The following MKLN1 variants were observed in gnomAD, a reference collection of about 807,000 sequenced individuals.
The protein encoded by MKLN1 is muskelin.
A neutral mutation model predicts 99.0 loss-of-function variants in MKLN1; 18 were observed. That is an observed-to-expected ratio of 0.18 (90% CI 0.13 to 0.27). The LOEUF (loss-of-function observed/expected upper bound fraction) is 0.27, where lower values mean the gene tolerates loss of function less well. Among genes scored for constraint, MKLN1 ranks in the 10% least tolerant of loss-of-function variants. The pLI is 1.00. For missense variants in MKLN1, 621 were observed against 875.9 expected, an observed-to-expected ratio of 0.71 and a Z score of 3.67; for synonymous variants, 288 against 293.2, an observed-to-expected ratio of 0.98 and a Z score of 0.18.
At chr7:131,328,240 C>T in intron 1 of MKLN1, 2 of 515,264 alleles carry the variant, frequency 3.9e-6, no homozygotes, top group South Asian at 2.6e-5. Context: ...CCGGGGCGCG[C>T]ACAGGAGAAC....
chr7:131,384,358 A>C (rs184681402), intron 2 of MKLN1, among the ~76,000 whole-genome samples: 3 of 151,938 alleles, frequency 2.0e-5, no homozygotes, highest in Admixed American at 6.6e-5. Flanking sequence ...ATCCAATGAC[A>C]AGTGTCCTTA....
chr7:131,137,556 C>T (rs766738601), intron 1 of MKLN1, among the ~76,000 whole-genome samples: 1 of 151,920 alleles, frequency 6.6e-6, no homozygotes, highest in Non-Finnish European at 1.5e-5. Flanking sequence ...TGAACATGAA[C>T]TTTTTTTGTT....
intron 6 of MKLN1, among the ~76,000 whole-genome samples, chr7:131,411,080 C>T (rs1366296858): frequency 6.6e-6 from 1 of 152,130 alleles, no homozygotes; most frequent in Non-Finnish European, 1.5e-5. Context: ...TGAGCTTCCC[C>T]TAAAGCAATT....
intron 3 of MKLN1, among the ~76,000 whole-genome samples, chr7:131,236,963 C>T (rs570667062): frequency 2.5e-4 from 38 of 151,998 alleles, no homozygotes; most frequent in African/African-American, 5.3e-4. Flanking sequence ...CACTCTAGCC[C>T]GGGTGACAGA....
rs192653016 is a variant in MKLN1 at position 131,236,898 on chromosome 7, G to A, written c.-179+33924G>A. Among the ~76,000 whole-genome samples the A allele has an allele frequency of 4.9e-3, 738 of 152,136 alleles. 3 individuals carry two copies. Among genetic ancestry groups the A allele is most frequent in the South Asian group, 7.7e-3 (37 of 4,816 alleles). On this transcript the variant is annotated intron_variant, in intron 3 of 7. Transcript: ENST00000416992. ...GCTACTCAGGAGGCCTAGATGGGAG[G>A]ATAACTTGAGCCCAGCAGTTCAAGG... is the stretch of plus-strand genomic sequence containing the variant.
At chr7:131,438,910 T>A (rs1795749670) in intron 10 of MKLN1, among the ~76,000 whole-genome samples, 1 of 152,180 alleles carries the variant, frequency 6.6e-6, no homozygotes, top group African/African-American at 2.4e-5. Flanking sequence ...TTATAGATTT[T>A]TGTTAATTAT....
At chr7:131,193,692 A>G (rs1168630548) in intron 2 of MKLN1, among the ~76,000 whole-genome samples, 1 of 151,860 alleles carries the variant, frequency 6.6e-6, no homozygotes, top group East Asian at 1.9e-4. Context: ...AAAAATTATT[A>G]TTTTTGAGAC....
Position 131,327,936 on chromosome 7 carries a change from T to G in MKLN1, c.37T>G (p.Cys13Gly). Residue 13 changes from cysteine (C) to glycine (G), a missense_variant, in exon 1 of 18, where the codon TGC becomes GGC. Coordinates refer to ENST00000352689, the MANE Select transcript of MKLN1 (RefSeq NM_013255.5). ...CGGAGCTGTCGCTGCGGCGCCCGAGTGCCGGCTTCTCCCCTACGCGCTACA... is the reference window on the plus strand; with the variant it reads ...CGGAGCTGTCGCTGCGGCGCCCGAGGGCCGGCTTCTCCCCTACGCGCTACA... ...AGGAVAAAPE[C>G]RLLPYALHKW... is the part of the protein sequence containing the mutation. The G allele has an allele frequency of 6.2e-7, 1 of 1,613,528 alleles. No homozygotes were observed. The highest frequency in any genetic ancestry group is 8.5e-7 in the Non-Finnish European group (1 of 1,179,834).
chr7:131,165,406 C>T (rs577960356), intron 2 of MKLN1, among the ~76,000 whole-genome samples: 11 of 152,070 alleles, frequency 7.2e-5, no homozygotes, highest in Non-Finnish European at 1.5e-4. Flanking sequence ...AGGCTGGTCT[C>T]GAACTCCTGA....
intron 2 of MKLN1, among the ~76,000 whole-genome samples, chr7:131,383,458 C>T (rs1161284306): frequency 6.6e-6 from 1 of 152,182 alleles, no homozygotes; most frequent in African/African-American, 2.4e-5. Context: ...CCTAGCCAAT[C>T]CATCAGCTTA....
At chr7:131,119,924 AT>A (rs1795335457) in intron 1 of MKLN1, among the ~76,000 whole-genome samples, 1 of 152,118 alleles carries the variant, frequency 6.6e-6, no homozygotes. Context: ...CAGGCTGCAA[AT>A]TTTCCAAACT....
intron 3 of MKLN1, among the ~76,000 whole-genome samples, chr7:131,314,371 T>G (rs922833259): frequency 1.3e-5 from 2 of 152,180 alleles, no homozygotes; most frequent in African/African-American, 2.4e-5. Context: ...CCTCTAGATC[T>G]TTTCATGTGG....
At chr7:131,419,015 T>G (rs1795110158) in intron 8 of MKLN1, among the ~76,000 whole-genome samples, 1 of 152,206 alleles carries the variant, frequency 6.6e-6, no homozygotes, top group Middle Eastern at 3.4e-3. Flanking sequence ...TTCAGAAGTC[T>G]AACAACTTTC....
Position 131,495,080 on chromosome 7 carries a change from A to G in MKLN1, c.*7352A>G, listed in dbSNP as rs1164913801. The stretch of plus-strand genomic sequence containing the variant: ...TTTTCTTGTGTTGGTCTTGGGAACA[A>G]ACAGTATTCCGTCTTTCAAATATGG... On this transcript the variant is annotated 3_prime_UTR_variant, in exon 18 of 18. Transcript: ENST00000352689. 6.6e-6 allele frequency: 1 copy of G among 152,194 alleles called. No individual in the cohort carries two copies. The highest frequency in any genetic ancestry group is 2.4e-5 in the African/African-American group (1 of 41,444). The allele number at this position is 152,194 out of a possible 1,614,324, so 9.4% of individuals were successfully genotyped here.
intron 1 of MKLN1, among the ~76,000 whole-genome samples, chr7:131,366,561 A>G (rs868148724): frequency 1.3e-5 from 2 of 152,220 alleles, no homozygotes; most frequent in African/African-American, 2.4e-5. Flanking sequence ...CTGTAATCCC[A>G]GCACTTTGGG....
At chr7:131,424,227 A>T (rs1033135912) in intron 8 of MKLN1, among the ~76,000 whole-genome samples, 4 of 151,772 alleles carry the variant, frequency 2.6e-5, no homozygotes, top group African/African-American at 7.3e-5. Context: ...TTTTTAAAAA[A>T]TTTTTTTCTC....
intron 9 of MKLN1, among the ~76,000 whole-genome samples, chr7:131,436,423 A>G (rs1057183820): frequency 6.6e-6 from 1 of 152,182 alleles, no homozygotes; most frequent in Non-Finnish European, 1.5e-5. Context: ...AGAACTCTTC[A>G]TCTCAGTCAT....
At chr7:131,360,442 A>G (rs1361910735) in intron 1 of MKLN1, among the ~76,000 whole-genome samples, 1 of 152,202 alleles carries the variant, frequency 6.6e-6, no homozygotes, top group East Asian at 1.9e-4. Flanking sequence ...CTCTTAGCAT[A>G]TCAGTTACAC....
chr7:131,336,968 G>C (rs1017033192), intron 1 of MKLN1, among the ~76,000 whole-genome samples: 8 of 152,084 alleles, frequency 5.3e-5, no homozygotes, highest in Non-Finnish European at 1.2e-4. Context: ...CATCTTTGAA[G>C]AATATATTAA....
Sources: gnomAD v4.1 joint callset for allele counts (sites outside exome capture counted in the v4.1 genomes callset) on GRCh38, gnomAD v4.1.1 for gene constraint, MANE v1.5 for transcripts, NCBI Gene and HGNC (gene_info 2026-07-23, HGNC 2026-07-21) for gene names.